Variants in VWA8 observed in about 807,000 individuals in gnomAD.
VWA8 encodes the protein von Willebrand factor A domain containing 8, also known as von Willebrand factor A domain-containing protein 8.
A neutral mutation model predicts 241.5 loss-of-function variants in VWA8; 221 were observed. The ratio of observed to expected loss-of-function variants is 0.91; its 90% confidence interval spans 0.82 to 1.02. The LOEUF (loss-of-function observed/expected upper bound fraction) is 1.02. Among genes scored for constraint, VWA8 ranks in the 50% least tolerant of loss-of-function variants. The pLI, the probability that VWA8 is intolerant of heterozygous loss-of-function variation, is 0.00. For synonymous variants in VWA8, 852 were observed against 827.1 expected (o/e 1.03, Z -0.52); for missense variants, 2,322 against 2,328.7 (o/e 1.00, Z 0.06).
chr13:41,949,693 T>C (rs890048311), intron 2 of VWA8, among the ~76,000 whole-genome samples: 2 of 152,058 alleles, frequency 1.3e-5, no homozygotes, highest in African/African-American at 2.4e-5. Flanking sequence ...CAGTAGGATG[T>C]GAGAAAAATA....
intron 17 of VWA8, among the ~76,000 whole-genome samples, chr13:41,803,163 A>G (rs1294866139): frequency 6.6e-6 from 1 of 152,210 alleles, no homozygotes; most frequent in Non-Finnish European, 1.5e-5. Context: ...TCACACACTC[A>G]ATTCTCTTTG....
At chr13:41,745,886 A>G (rs368592911) in intron 21 of VWA8, among the ~76,000 whole-genome samples, 9 of 152,336 alleles carry the variant, frequency 5.9e-5, no homozygotes, top group African/African-American at 1.4e-4. Context: ...AATTTTTAAA[A>G]AATCCCTCTT....
At chr13:41,951,191 C>A (rs1239431782) in intron 1 of VWA8, among the ~76,000 whole-genome samples, 1 of 151,820 alleles carries the variant, frequency 6.6e-6, no homozygotes, top group African/African-American at 2.4e-5. Flanking sequence ...CCAAGGCAGG[C>A]GGATCACTTG....
intron 19 of VWA8, among the ~76,000 whole-genome samples, chr13:41,782,918 ATAATTATTGG>A (rs1401023377): frequency 6.6e-6 from 1 of 151,522 alleles, no homozygotes; most frequent in Admixed American, 6.6e-5. Context: ...TGGAAGGTCC[ATAATTATTGG>A]CTAGTTTACA....
intron 12 of VWA8, among the ~76,000 whole-genome samples, chr13:41,849,844 G>GC (rs1872454584): frequency 6.6e-6 from 1 of 151,584 alleles, no homozygotes; most frequent in Admixed American, 6.6e-5. Context: ...CCAAGATCGC[G>GC]CCACTGTACT....
chr13:41,713,532 A>T (rs140550582), intron 26 of VWA8, among the ~76,000 whole-genome samples: 1 of 152,352 alleles, frequency 6.6e-6, no homozygotes, highest in African/African-American at 2.4e-5. Context: ...AAGAAAATGC[A>T]TAACAACAGG....
chr13:41,765,906 A>T (rs971633009), intron 20 of VWA8, among the ~76,000 whole-genome samples: 2 of 152,200 alleles, frequency 1.3e-5, no homozygotes, highest in Non-Finnish European at 2.9e-5. Flanking sequence ...AAAAAATAAA[A>T]ATAATCTCAT....
rs909369392 is a variant in VWA8, at chr13:41,830,450, T to C, written c.1700+79A>G. The C allele has an allele frequency of 7.9e-5, 94 of 1,186,234 alleles. No individual in the cohort carries two copies. The Admixed American group carries it at 1.8e-3, about 23-fold the overall frequency. The allele number at this position is 1,186,234 out of a possible 1,614,324, so 73.5% of individuals were successfully genotyped here. A position where few individuals can be genotyped will look rare whatever the true frequency, so the allele number is the denominator to read the frequency against. ...GTTCAAAGTTATCTTGGCATTATTC[T>C]AGGTTTAGAAAAATCATAAAAAGTA... On this transcript the variant is annotated intron_variant, in intron 14 of 44. Transcript: ENST00000379310.
intron 9 of VWA8, among the ~76,000 whole-genome samples, chr13:41,875,172 G>A (rs1395750093): frequency 6.6e-6 from 1 of 152,070 alleles, no homozygotes; most frequent in African/African-American, 2.4e-5. Context: ...TGTTTCAGTA[G>A]AAAGGACTTC....
chr13:41,715,976 T>C (rs974410323), intron 26 of VWA8, among the ~76,000 whole-genome samples: 2 of 151,992 alleles, frequency 1.3e-5, no homozygotes, highest in East Asian at 1.9e-4. Context: ...ATATAAAGCA[T>C]AGTATTCATA....
At chr13:41,891,336 C>A in intron 5 of VWA8, 84 bp downstream of exon 5, 1 of 1,531,382 alleles carries the variant, frequency 6.5e-7, no homozygotes, top group Non-Finnish European at 8.9e-7. Context: ...GTCCTGATTC[C>A]AACAGAGCCA....
intron 35 of VWA8, among the ~76,000 whole-genome samples, chr13:41,682,963 C>T (rs1463640431): frequency 6.6e-6 from 1 of 152,068 alleles, no homozygotes; most frequent in African/African-American, 2.4e-5. Context: ...ATACCAAGTG[C>T]TGACAGGGAT....
Position 41,868,373 on chromosome 13 carries a change from C to A in VWA8, c.1185G>T (p.Arg395=). The A allele has an allele frequency of 6.2e-7, 1 of 1,614,126 alleles. No individual in the cohort carries two copies. Among genetic ancestry groups the A allele is most frequent in the Non-Finnish European group, 8.5e-7 (1 of 1,180,002 alleles). ...NHVSQASVTI[R]IADKEVTIKV... Reference sequence around the variant, plus strand: ...TAATGGTCACCTCTTTATCTGCAATCCGGATGGTCACAGAAGCTTGGGACA... The same window carrying A: ...TAATGGTCACCTCTTTATCTGCAATACGGATGGTCACAGAAGCTTGGGACA... The change falls in exon 10 of 45, where the codon CGG becomes CGT. Residue 395 remains arginine (R), a synonymous_variant. Coordinates refer to ENST00000379310, the MANE Select transcript of VWA8 (RefSeq NM_015058.2).
intron 37 of VWA8, among the ~76,000 whole-genome samples, chr13:41,647,266 T>C (rs2139685226): frequency 1.3e-5 from 2 of 152,250 alleles, no homozygotes; most frequent in African/African-American, 4.8e-5. Context: ...TTGGGAGACA[T>C]TTTCTGGATG....
chr13:41,791,945 A>G (rs779652559), intron 17 of VWA8, among the ~76,000 whole-genome samples: 1 of 147,896 alleles, frequency 6.8e-6, no homozygotes, highest in Non-Finnish European at 1.5e-5. Context: ...ATATTTAGGC[A>G]AAAAAAAACT....
chr13:41,673,827 C>T (rs116294614), intron 36 of VWA8, among the ~76,000 whole-genome samples: 106 of 152,296 alleles, frequency 7.0e-4, no homozygotes, highest in African/African-American at 2.5e-3. Context: ...GCTGTGCACA[C>T]AGCTGCTCTT....
chr13:41,802,453 G>T (rs1357934325), intron 17 of VWA8, among the ~76,000 whole-genome samples: 1 of 152,160 alleles, frequency 6.6e-6, no homozygotes, highest in African/African-American at 2.4e-5. Context: ...GCAAGTCCTG[G>T]TGCTATGCTG....
chr13:41,833,193 T>C (rs1871546275), intron 13 of VWA8, among the ~76,000 whole-genome samples, 178 bp downstream of exon 13: 1 of 152,222 alleles, frequency 6.6e-6, no homozygotes, highest in South Asian at 2.1e-4. Flanking sequence ...TTTGGAGTTT[T>C]ACTGCATTGT....
At chr13:41,890,341 CAG>C (rs1874774776) in intron 5 of VWA8, among the ~76,000 whole-genome samples, 1 of 152,188 alleles carries the variant, frequency 6.6e-6, no homozygotes, top group Non-Finnish European at 1.5e-5. Flanking sequence ...TGTATCTCTA[CAG>C]AACAGGTATG....
Sources: gnomAD v4.1 joint callset for allele counts (sites outside exome capture counted in the v4.1 genomes callset) on GRCh38, gnomAD v4.1.1 for gene constraint, MANE v1.5 for transcripts, NCBI Gene and HGNC (gene_info 2026-07-23, HGNC 2026-07-21) for gene names.